C10orf105: variants seen among roughly 807,000 people sequenced by gnomAD.
The protein encoded by C10orf105 is chromosome 10 open reading frame 105, also known as uncharacterized protein C10orf105.
A neutral mutation model predicts 0.6 loss-of-function variants in C10orf105; 2 were observed. That is an observed-to-expected ratio of 3.18 (90% CI 1.30 to 10.01). The LOEUF (loss-of-function observed/expected upper bound fraction) is 10.01. Ranked by LOEUF, C10orf105 falls within the 30% of genes most tolerant of loss-of-function variation. C10orf105 has a pLI of 0.04. For synonymous variants in C10orf105, 95 were observed against 82.4 expected, an observed-to-expected ratio of 1.15 and a Z score of -0.83; for missense variants, 209 against 191.4, an observed-to-expected ratio of 1.09 and a Z score of -0.54.
At chr10:71,735,806 T>C (rs1589385720) in intron 1 of C10orf105, among the ~76,000 whole-genome samples, 1 of 151,716 alleles carries the variant, frequency 6.6e-6, no homozygotes, top group African/African-American at 2.4e-5. Context: ...AGCCTGGGGG[T>C]GAGTGAGGCT....
intron 1 of C10orf105, chr10:71,732,680 C>T: frequency 2.2e-6 from 3 of 1,337,420 alleles, no homozygotes; most frequent in South Asian, 1.9e-5. Context: ...CCCTGTAACA[C>T]ATCCATTTTC....
At chr10:71,730,274 G>A (rs1008006907) in intron 1 of C10orf105, among the ~76,000 whole-genome samples, 1 of 152,232 alleles carries the variant, frequency 6.6e-6, no homozygotes, top group Admixed American at 6.5e-5. Flanking sequence ...AGTAATGTTT[G>A]AGCACCTGCC....
In C10orf105 at chr10:71,712,584, G is replaced by A; in HGVS notation, c.*3352C>T. 2 of 1,538,410 alleles carry A rather than the reference G, an allele frequency of 1.3e-6. No homozygotes were observed. Among genetic ancestry groups the A allele is most frequent in the South Asian group, 1.2e-5 (1 of 84,086 alleles). On this transcript the variant is annotated 3_prime_UTR_variant, in exon 2 of 2. Coordinates refer to ENST00000441508, the MANE Select transcript of C10orf105 (RefSeq NM_001164375.3). ...GGAACAGGGCACCTCTCTGGCCGGT[G>A]CCCGGGAGTGTGCAAAGTCACAGGA...
chr10:71,721,835 C>T (rs7070748), upstream of C10orf105, among the ~76,000 whole-genome samples: 4,985 of 152,296 alleles, frequency 0.033, 130 homozygotes, highest in East Asian at 0.096. Context: ...CTCTGCTGTC[C>T]CTGCATGAGC....
Position 71,730,595 on chromosome 10 carries a change from C to T in C10orf105, c.-6+7133G>A, listed in dbSNP as rs397517327. 8 of 1,613,840 alleles carry T rather than the reference C, an allele frequency of 5.0e-6. No homozygotes were observed. Among genetic ancestry groups the T allele is most frequent in the East Asian group, 2.2e-5 (1 of 44,888 alleles). On this transcript the variant is annotated intron_variant, in intron 1 of 1. Coordinates refer to the C10orf105 transcript ENST00000398786. ...AGTCATCGTGGTCCAAGCCACAGAC[C>T]GAGACTCTGGTGAGGCTGGCAGGAG...
At chr10:71,732,489 A>G in intron 1 of C10orf105, 2 of 1,454,860 alleles carry the variant, frequency 1.4e-6, no homozygotes, top group Non-Finnish European at 1.8e-6. Flanking sequence ...TGAGATGGCC[A>G]AGTGTGGTGT....
intron 1 of C10orf105, chr10:71,725,506 C>G (rs745855338): frequency 6.2e-7 from 1 of 1,613,310 alleles, no homozygotes; most frequent in East Asian, 2.2e-5. Context: ...GGGCCCCATG[C>G]GGAGCTCCGT....
upstream of C10orf105, chr10:71,724,065 T>A: frequency 6.4e-7 from 1 of 1,560,724 alleles, no homozygotes; most frequent in Non-Finnish European, 8.7e-7. Flanking sequence ...CGGACGCAGA[T>A]GAGGGCGAGT....
chr10:71,733,185 A>G (rs923344255), intron 1 of C10orf105, among the ~76,000 whole-genome samples: 1 of 152,236 alleles, frequency 6.6e-6, no homozygotes, highest in African/African-American at 2.4e-5. Flanking sequence ...ATTATGAAGG[A>G]TAGTCTAAAG....
chr10:71,731,181 G>T (rs745537414), intron 1 of C10orf105, among the ~76,000 whole-genome samples: 5 of 152,230 alleles, frequency 3.3e-5, no homozygotes, highest in Admixed American at 6.5e-5. Context: ...CCTCCGTGCG[G>T]CCTGGGCTGT....
At chr10:71,717,425 T>C (rs1220348902) in intron 1 of C10orf105, 2 of 151,970 alleles carry the variant, frequency 1.3e-5, no homozygotes, top group Non-Finnish European at 1.5e-5. Flanking sequence ...CCACAAGGAG[T>C]TGACAAGGGG....
Position 71,734,565 on chromosome 10 carries a change from G to T in C10orf105, c.-6+3163C>A, listed in dbSNP as rs77901168. On this transcript the variant is annotated intron_variant, in intron 1 of 1. Coordinates refer to the C10orf105 transcript ENST00000398786. ...GGGTGGCACCTCCAGAGACACTGCC[G>T]GGAGTGGGGTCTGGAAGAGCCACAG... 56 of 1,606,262 alleles carry T rather than the reference G, an allele frequency of 3.5e-5. No homozygotes were observed. In the East Asian group the frequency reaches 1.2e-3, roughly 35 times the overall value.
At chr10:71,728,068 C>T (rs1039425000) in intron 1 of C10orf105, among the ~76,000 whole-genome samples, 2 of 152,128 alleles carry the variant, frequency 1.3e-5, no homozygotes, top group South Asian at 2.1e-4. Context: ...TTCCCCACAA[C>T]CCTTGGAGTC....
chr10:71,727,513 C>T (rs997748688), intron 1 of C10orf105, among the ~76,000 whole-genome samples: 1 of 152,216 alleles, frequency 6.6e-6, no homozygotes, highest in Admixed American at 6.5e-5. Flanking sequence ...ACTCATTTTC[C>T]CAGCAGCAGG....
At chr10:71,723,410 C>G (rs369961341), upstream of C10orf105, among the ~76,000 whole-genome samples, 2 of 152,170 alleles carry the variant, frequency 1.3e-5, no homozygotes, top group African/African-American at 2.4e-5. Context: ...ACAACGTCCC[C>G]CCCCACACAC....
upstream of C10orf105, among the ~76,000 whole-genome samples, chr10:71,721,041 A>T (rs962258568): frequency 6.6e-6 from 1 of 152,208 alleles, no homozygotes; most frequent in South Asian, 2.1e-4. Flanking sequence ...CCTCTCCTGA[A>T]ACCAACTGAA....
At chr10:71,721,392 A>G (rs1277924857), upstream of C10orf105, among the ~76,000 whole-genome samples, 1 of 152,162 alleles carries the variant, frequency 6.6e-6, no homozygotes, top group Non-Finnish European at 1.5e-5. Context: ...GACCTTCACC[A>G]CACATCCCCA....
chr10:71,735,696 T>C (rs1038640016), intron 1 of C10orf105, among the ~76,000 whole-genome samples: 1 of 152,214 alleles, frequency 6.6e-6, no homozygotes, highest in African/African-American at 2.4e-5. Context: ...AAACACAATT[T>C]CTTGGGGTTC....
rs954034451 is a variant in C10orf105, at chr10:71,715,475, A to G, written c.*461T>C. On this transcript the variant is annotated 3_prime_UTR_variant, in exon 2 of 2. Transcript: ENST00000441508. ...TTTTGCCCCAGCACTGGGCCAGCAC[A>G]GATGCCAGGACAGTGTCTTGGCCCC... The G allele has an allele frequency of 1.3e-5, 2 of 153,534 alleles. No homozygotes were observed. The highest frequency in any genetic ancestry group is 2.9e-5 in the Non-Finnish European group (2 of 68,962). 9.5% of individuals were successfully genotyped at this position (153,534 alleles called of 1,614,324 possible). A position where few individuals can be genotyped will look rare whatever the true frequency, so the allele number is the denominator to read the frequency against.
Sources: allele counts gnomAD v4.1 joint callset (sites outside exome capture counted in the v4.1 genomes callset), GRCh38; gene constraint gnomAD v4.1.1; transcripts MANE v1.5; gene names NCBI Gene and HGNC (gene_info 2026-07-23, HGNC 2026-07-21).